CADM2: variants seen among roughly 807,000 people sequenced by gnomAD.
CADM2 encodes the protein immunoglobulin superfamily member 4D.
CADM2 carries 12 observed loss-of-function variants against 49.8 expected under a neutral mutation model. That is an observed-to-expected ratio of 0.24 (90% confidence interval 0.15 to 0.39). CADM2 has a LOEUF of 0.39. Among genes scored for constraint, CADM2 ranks in the 10% least tolerant of loss-of-function variants. CADM2 has a pLI of 1.00. For synonymous variants in CADM2, 214 were observed against 175.4 expected, an observed-to-expected ratio of 1.22 and a Z score of -1.74; for missense variants, 378 against 492.3, an observed-to-expected ratio of 0.77 and a Z score of 2.20.
intron 8 of CADM2, among the ~76,000 whole-genome samples, chr3:85,966,016 T>C (rs1725430389): frequency 6.6e-6 from 1 of 151,712 alleles, no homozygotes; most frequent in South Asian, 2.1e-4. Context: ...TTCTTCCCTC[T>C]TAACCTTCCC....
intron 1 of CADM2, among the ~76,000 whole-genome samples, chr3:85,433,102 T>A (rs148563019): frequency 1.2e-4 from 18 of 151,310 alleles, no homozygotes; most frequent in Non-Finnish European, 2.7e-4. Context: ...ATTTAGATCA[T>A]GGGTTAAAAG....
chr3:85,537,384 A>G (rs999737752), intron 1 of CADM2, among the ~76,000 whole-genome samples: 1 of 152,048 alleles, frequency 6.6e-6, no homozygotes, highest in African/African-American at 2.4e-5. Context: ...CTAGTACCCA[A>G]TGTAATTCTG....
chr3:85,567,939 G>A (rs2062317313), intron 1 of CADM2, among the ~76,000 whole-genome samples: 2 of 152,180 alleles, frequency 1.3e-5, no homozygotes, highest in South Asian at 4.1e-4. Context: ...GGAGGAGAAG[G>A]GAGGCCCCGC....
chr3:84,991,937 T>G (rs1302302006), intron 1 of CADM2, among the ~76,000 whole-genome samples: 1 of 152,174 alleles, frequency 6.6e-6, no homozygotes, highest in African/African-American at 2.4e-5. Context: ...TATGATATTC[T>G]GGAAAAGGTA....
At chr3:85,113,677 TA>T (rs2038538614) in intron 1 of CADM2, among the ~76,000 whole-genome samples, 1 of 149,352 alleles carries the variant, frequency 6.7e-6, no homozygotes, top group Admixed American at 6.7e-5. Context: ...TGCTTTTTTT[TA>T]TTCATTCGTT....
At chr3:86,039,464 G>A (rs140688168) in intron 8 of CADM2, among the ~76,000 whole-genome samples, 5,204 of 152,178 alleles carry the variant, frequency 0.034, 174 homozygotes, top group African/African-American at 0.083. Flanking sequence ...AGGGTCCCAC[G>A]CCCACGGAGC....
chr3:85,426,498 G>A (rs780242391), intron 1 of CADM2, among the ~76,000 whole-genome samples: 42 of 152,080 alleles, frequency 2.8e-4, no homozygotes, highest in East Asian at 7.7e-4. Flanking sequence ...AATAACTTTT[G>A]TGGGTACACC....
chr3:85,567,023 C>A (rs1210426320), intron 1 of CADM2, among the ~76,000 whole-genome samples: 1 of 152,102 alleles, frequency 6.6e-6, no homozygotes, highest in Non-Finnish European at 1.5e-5. Flanking sequence ...ATTATATGTA[C>A]ACCTTTTTTA....
At chr3:85,206,357 G>A (rs555641225) in intron 1 of CADM2, among the ~76,000 whole-genome samples, 16 of 149,118 alleles carry the variant, frequency 1.1e-4, no homozygotes, top group Non-Finnish European at 2.4e-4. Context: ...ACCCAGGCTG[G>A]AGTGCAGTGG....
At chr3:85,889,907 A>G (rs1184593548) in intron 5 of CADM2, among the ~76,000 whole-genome samples, 2 of 152,174 alleles carry the variant, frequency 1.3e-5, no homozygotes, top group African/African-American at 2.4e-5. Context: ...AGTAGCAGAT[A>G]TCAGCCCTAC....
rs1713637884 is a variant in CADM2, at chr3:85,886,239, G to A, written c.441G>A (p.Glu147=). 2 of 1,613,950 alleles carry A rather than the reference G, an allele frequency of 1.2e-6. No homozygotes were observed. The highest frequency in any genetic ancestry group is 1.7e-6 in the Non-Finnish European group (2 of 1,179,934). ...QISGFSSPVM[E]GDLMQLTCKT... is the part of the protein sequence containing the mutation. ...GTGGATTCTCATCACCAGTTATGGA[G>A]GGTGACTTGATGCAGCTGACTTGCA... Residue 147 remains glutamate, a synonymous_variant, in exon 5 of 10, where the codon GAG becomes GAA. Coordinates refer to ENST00000383699, the MANE Select transcript of CADM2 (RefSeq NM_001167675.2).
intron 1 of CADM2, among the ~76,000 whole-genome samples, chr3:85,166,779 G>A (rs146079682): frequency 6.6e-6 from 1 of 151,868 alleles, no homozygotes; most frequent in African/African-American, 2.4e-5. Flanking sequence ...CAATAGGGAG[G>A]TAAGAATACT....
At chr3:85,440,432 A>T (rs1399834351) in intron 1 of CADM2, among the ~76,000 whole-genome samples, 3 of 152,126 alleles carry the variant, frequency 2.0e-5, no homozygotes, top group Non-Finnish European at 4.4e-5. Flanking sequence ...AATTTTATTG[A>T]TCTACTTTAC....
intron 1 of CADM2, among the ~76,000 whole-genome samples, chr3:85,525,076 G>A (rs762920718): frequency 2.0e-5 from 3 of 152,014 alleles, no homozygotes; most frequent in Non-Finnish European, 2.9e-5. Flanking sequence ...TGATGGGTGC[G>A]GCAAACCACA....
chr3:85,324,240 T>A (rs780912147), intron 1 of CADM2, among the ~76,000 whole-genome samples: 7 of 152,198 alleles, frequency 4.6e-5, no homozygotes, highest in Non-Finnish European at 8.8e-5. Flanking sequence ...TTTAGAGGAA[T>A]ATGTGCTTAC....
chr3:85,304,880 C>A (rs935429603), intron 1 of CADM2, among the ~76,000 whole-genome samples: 1 of 151,674 alleles, frequency 6.6e-6, no homozygotes, highest in Non-Finnish European at 1.5e-5. Context: ...TTACTTATGA[C>A]TCTCTATTTC....
chr3:85,321,116 ATTTTTTTTTTTTTTTTTTTTTTTTTTTT>A (rs1157576505), intron 1 of CADM2, among the ~76,000 whole-genome samples: 96 of 27,496 alleles, frequency 3.5e-3, no homozygotes, highest in African/African-American at 0.012. Context: ...ATATATATAT[ATTTTTTTTTTTTTTTTTTTTTTTTTTTT>A]TTTTTTTTTT....
chr3:85,733,637 C>T (rs934343301), intron 2 of CADM2, among the ~76,000 whole-genome samples: 3 of 152,128 alleles, frequency 2.0e-5, no homozygotes, highest in Non-Finnish European at 4.4e-5. Context: ...TTGAGCTTCA[C>T]TGTGCACATG....
chr3:85,979,617 A>C (rs905456290), intron 8 of CADM2, among the ~76,000 whole-genome samples: 1 of 151,670 alleles, frequency 6.6e-6, no homozygotes, highest in Non-Finnish European at 1.5e-5. Flanking sequence ...TAAGATGTTC[A>C]TGTGTGCAGA....
Sources: allele counts gnomAD v4.1 joint callset (sites outside exome capture counted in the v4.1 genomes callset), GRCh38; gene constraint gnomAD v4.1.1; transcripts MANE v1.5; gene names NCBI Gene and HGNC (gene_info 2026-07-23, HGNC 2026-07-21).